The following CDR2 variants were observed in gnomAD, a reference collection of about 807,000 sequenced individuals.
CDR2 encodes cerebellar degeneration related protein 2.
Under a neutral mutation model 48.4 loss-of-function variants are expected in CDR2, and 34 were observed. The observed-to-expected ratio is 0.70, with a 90% CI of 0.53 to 0.94. The LOEUF (loss-of-function observed/expected upper bound fraction) is 0.94, where lower values mean the gene tolerates loss of function less well. CDR2 is among the 40% of genes least tolerant of loss of function. The probability of loss-of-function intolerance (pLI) is 0.00; values close to 1 mark genes in which losing one functional copy is unlikely to be tolerated. For missense variants in CDR2, 498 were observed against 549.5 expected (o/e 0.91, Z 0.94); for synonymous variants, 240 against 219.7 (o/e 1.09, Z -0.82).
At chr16:22,350,113 T>C (rs915438903) in intron 2 of CDR2, among the ~76,000 whole-genome samples, 2 of 151,534 alleles carry the variant, frequency 1.3e-5, no homozygotes, top group Non-Finnish European at 2.9e-5. Context: ...TGCTTGAACC[T>C]GGAAGACAGA....
At chr16:22,371,841 T>A (rs1019290083) in intron 1 of CDR2, among the ~76,000 whole-genome samples, 1 of 116,808 alleles carries the variant, frequency 8.6e-6, no homozygotes, top group African/African-American at 3.3e-5. Context: ...AGTAAAGAGG[T>A]TCAGATATGT....
intron 1 of CDR2, among the ~76,000 whole-genome samples, chr16:22,373,813 C>CG (rs1480008651): frequency 6.6e-6 from 1 of 152,266 alleles, no homozygotes; most frequent in Non-Finnish European, 1.5e-5. Context: ...CTGCAGCAGC[C>CG]GGCCCTCCAC....
chr16:22,351,720 T>G (rs529065788), intron 2 of CDR2, among the ~76,000 whole-genome samples: 7 of 152,342 alleles, frequency 4.6e-5, no homozygotes, highest in African/African-American at 1.7e-4. Context: ...CTGGTCCTGC[T>G]AAGACTGCTT....
At chr16:22,349,653 T>A (rs377755824) in intron 3 of CDR2, 48 bp downstream of exon 3, 1 of 1,595,846 alleles carries the variant, frequency 6.3e-7, no homozygotes, top group African/African-American at 1.3e-5. Flanking sequence ...TAGTTTATAC[T>A]AAAGAACTTC....
At chr16:22,370,291 TA>T (rs2049067584) in intron 1 of CDR2, among the ~76,000 whole-genome samples, 1 of 152,170 alleles carries the variant, frequency 6.6e-6, no homozygotes, top group South Asian at 2.1e-4. Context: ...AACCTGAATA[TA>T]AATATCAAGA....
chr16:22,347,975 G>C (rs1338295255), intron 4 of CDR2, 152 bp from the exon 5 acceptor site: 44 of 740,342 alleles, frequency 5.9e-5, no homozygotes, highest in Non-Finnish European at 7.9e-5. Context: ...GTCTCACTTT[G>C]TCGCCAGGCT....
At chr16:22,360,341 A>C (rs1283783692) in intron 2 of CDR2, among the ~76,000 whole-genome samples, 1 of 152,228 alleles carries the variant, frequency 6.6e-6, no homozygotes, top group Non-Finnish European at 1.5e-5. Flanking sequence ...AGCCAGTTTA[A>C]CCATTATTTT....
chr16:22,365,149 G>A (rs536891179), intron 1 of CDR2, 135 bp from the exon 2 acceptor site: 39 of 602,678 alleles, frequency 6.5e-5, no homozygotes, highest in Middle Eastern at 3.1e-4. Context: ...AAGGAAACCC[G>A]AGTTCTACTT....
chr16:22,354,916 T>A (rs1475962792), intron 2 of CDR2, among the ~76,000 whole-genome samples: 1 of 151,874 alleles, frequency 6.6e-6, no homozygotes, highest in Non-Finnish European at 1.5e-5. Flanking sequence ...TAAATAAAAC[T>A]TTCTATTGTG....
At position 22,346,228 on chromosome 16, in the gene CDR2, T is replaced by C. The variant is rs2048903187; in HGVS notation, c.*737A>G. On this transcript the variant is annotated 3_prime_UTR_variant, in exon 5 of 5. Transcript: ENST00000268383. ...CTTTAGTTTGAATTTGAGAAAGTGA[T>C]AAAAGATTTACATATTCACCTATCC... 1 of 152,572 alleles carries C rather than the reference T, an allele frequency of 6.6e-6. No homozygotes were observed. Among genetic ancestry groups the C allele is most frequent in the Non-Finnish European group, 1.5e-5 (1 of 68,044 alleles). 9.5% of individuals were successfully genotyped at this position (152,572 alleles called of 1,614,324 possible). A position where few individuals can be genotyped will look rare whatever the true frequency, so the allele number is the denominator to read the frequency against.
chr16:22,362,580 C>T (rs966630247), intron 2 of CDR2, among the ~76,000 whole-genome samples: 7 of 152,176 alleles, frequency 4.6e-5, no homozygotes, highest in Admixed American at 4.6e-4. Flanking sequence ...AATCAGGCCT[C>T]GGATAAACCT....
intron 2 of CDR2, among the ~76,000 whole-genome samples, chr16:22,355,018 A>C (rs956339220): frequency 1.4e-4 from 22 of 152,162 alleles, no homozygotes; most frequent in African/African-American, 5.3e-4. Flanking sequence ...ACATACAGCC[A>C]ATCTTATTTC....
intron 2 of CDR2, among the ~76,000 whole-genome samples, 194 bp downstream of exon 2, chr16:22,364,708 C>T (rs1246872570): frequency 6.6e-6 from 1 of 152,044 alleles, no homozygotes; most frequent in Non-Finnish European, 1.5e-5. Flanking sequence ...ACCAAAAATA[C>T]AAAAATTAGC....
intron 1 of CDR2, chr16:22,369,103 C>A (rs2049060319): frequency 6.6e-6 from 1 of 152,060 alleles, no homozygotes; most frequent in South Asian, 2.1e-4. Context: ...GGTAATTCCT[C>A]ACTGGGAAGG....
rs550820254 is a variant in CDR2, at chr16:22,348,785, C to T, written c.506+494G>A. Among the ~76,000 whole-genome samples the T allele has an allele frequency of 6.6e-5, 10 of 152,312 alleles. No individual in the cohort carries two copies. The South Asian group carries it at 2.1e-3, about 32-fold the overall frequency. On this transcript the variant is annotated intron_variant, in intron 4 of 4. Transcript: ENST00000268383. ...TTTGTGTTTTTATTTGCTTATCTGC[C>T]GTTCCGTTAGACTGAAAGCTCACAG...
Position 22,374,294 on chromosome 16 carries a change from G to A in CDR2, c.16C>T (p.Leu6=), listed in dbSNP as rs1407322388. 3.1e-6 allele frequency: 5 copies of A among 1,599,992 alleles called. No individual in the cohort carries two copies. The highest frequency in any genetic ancestry group is 2.7e-5 in the African/African-American group (2 of 72,952). ...TCCTTCATCTCAAACTCCTCTACCA[G>A]GTTTTCCGCCAGCATCTCGGCTGGG... The part of the protein sequence containing the change: MLAEN[L]VEEFEMKEDE... Residue 6 remains leucine, a synonymous_variant, in exon 1 of 5, where the codon CTG becomes TTG. Transcript: ENST00000268383.
rs764498774 is a variant in CDR2 at position 22,347,264 on chromosome 16, G to A, written c.1066C>T (p.Leu356=). 2.1e-5 allele frequency: 34 copies of A among 1,614,104 alleles called. No homozygotes were observed. Among genetic ancestry groups the A allele is most frequent in the Non-Finnish European group, 2.7e-5 (32 of 1,180,042 alleles). The change falls in exon 5 of 5, where the codon CTG becomes TTG. Residue 356 remains leucine, a synonymous_variant. Transcript: ENST00000268383. The part of the protein sequence containing the change: ...LHEVDTQYSA[L]KVKYEELLKK... ...AGCAACTCTTCATACTTCACCTTCA[G>A]GGCGCTGTACTGCGTGTCCACTTCG... is the stretch of plus-strand genomic sequence containing the variant.
intron 2 of CDR2, 83 bp from the exon 3 acceptor site, chr16:22,349,932 T>A: frequency 7.6e-7 from 1 of 1,322,092 alleles, no homozygotes; most frequent in Non-Finnish European, 1.1e-6. Context: ...CTCACGCCTG[T>A]AATCCCAGCA....
chr16:22,361,407 T>C (rs1230863753), intron 2 of CDR2, among the ~76,000 whole-genome samples: 1 of 152,216 alleles, frequency 6.6e-6, no homozygotes. Context: ...AAGAGGAACA[T>C]ATGCAAGGGT....
Sources: gnomAD v4.1 joint callset for allele counts (sites outside exome capture counted in the v4.1 genomes callset) on GRCh38, gnomAD v4.1.1 for gene constraint, MANE v1.5 for transcripts, NCBI Gene and HGNC (gene_info 2026-07-23, HGNC 2026-07-21) for gene names.